Variants in GABRG3 observed in about 807,000 individuals in gnomAD.
GABRG3 encodes the protein gamma-aminobutyric acid receptor subunit gamma-3.
In GABRG3, 25 loss-of-function variants were observed where a neutral mutation model predicts 48.8. That is an observed-to-expected ratio of 0.51 (90% CI 0.37 to 0.72). The LOEUF is 0.72. Among genes scored for constraint, GABRG3 ranks in the 30% least tolerant of loss-of-function variants. The pLI is 0.00. For synonymous variants in GABRG3, 227 were observed against 217.6 expected, an observed-to-expected ratio of 1.04 and a Z score of -0.38; for missense variants, 394 against 577.9, an observed-to-expected ratio of 0.68 and a Z score of 3.26.
intron 5 of GABRG3, among the ~76,000 whole-genome samples, chr15:27,449,481 T>C (rs2140640144): frequency 6.6e-6 from 1 of 152,328 alleles, no homozygotes; most frequent in South Asian, 2.1e-4. Context: ...AGATGATAAA[T>C]GCCATGAAAA....
intron 3 of GABRG3, among the ~76,000 whole-genome samples, chr15:27,178,546 A>C (rs562658199): frequency 3.9e-5 from 6 of 152,280 alleles, no homozygotes; most frequent in Non-Finnish European, 7.3e-5. Flanking sequence ...TCACAAAAGG[A>C]AGGTTAATAG....
At chr15:27,150,996 T>C (rs2140396412) in intron 3 of GABRG3, among the ~76,000 whole-genome samples, 1 of 152,340 alleles carries the variant, frequency 6.6e-6, no homozygotes, top group South Asian at 2.1e-4. Context: ...TTTCCCAAGA[T>C]AGCTGAGATG....
At chr15:27,276,019 G>T (rs1376773750) in intron 3 of GABRG3, among the ~76,000 whole-genome samples, 1 of 152,246 alleles carries the variant, frequency 6.6e-6, no homozygotes, top group Non-Finnish European at 1.5e-5. Flanking sequence ...TGATCCTGCA[G>T]GACCACAGGA....
chr15:27,346,550 C>T lies in GABRG3; in HGVS notation c.574+17662C>T, dbSNP rs150233360. Among the ~76,000 whole-genome samples the T allele has an allele frequency of 2.3e-3, 348 of 152,052 alleles. 1 individual carries two copies. Among genetic ancestry groups the T allele is most frequent in the African/African-American group, 8.0e-3 (330 of 41,480 alleles). On this transcript the variant is annotated intron_variant, in intron 5 of 9. Transcript: ENST00000615808. The stretch of plus-strand genomic sequence containing the variant: ...TCAAATATTTCTTCTGCTTTTTTCT[C>T]CTCCTTTTGTTATTTCAATTATGTG...
chr15:27,311,155 A>G (rs1892979124), intron 3 of GABRG3, among the ~76,000 whole-genome samples: 1 of 152,176 alleles, frequency 6.6e-6, no homozygotes, highest in African/African-American at 2.4e-5. Context: ...TGATCTCACC[A>G]ATTCAGCAAC....
chr15:27,131,670 A>C (rs1393332971), intron 3 of GABRG3, among the ~76,000 whole-genome samples: 1 of 152,052 alleles, frequency 6.6e-6, no homozygotes, highest in Non-Finnish European at 1.5e-5. Context: ...ATTGTTATAC[A>C]TACTTACACG....
At chr15:27,307,831 C>CATATATAAAATAAACATGTTTATATAT (rs1892708002) in intron 3 of GABRG3, among the ~76,000 whole-genome samples, 4 of 107,662 alleles carry the variant, frequency 3.7e-5, no homozygotes, top group Non-Finnish European at 3.6e-5. Context: ...TAAACATAAA[C>CATATATAAAATAAACATGTTTATATAT]ATATATAAAA....
At chr15:27,425,190 G>A (rs908502917) in intron 5 of GABRG3, among the ~76,000 whole-genome samples, 6 of 152,142 alleles carry the variant, frequency 3.9e-5, no homozygotes, top group Admixed American at 1.3e-4. Context: ...GGACCCTGCC[G>A]TATGTACTTG....
intron 5 of GABRG3, among the ~76,000 whole-genome samples, chr15:27,370,921 C>A (rs1273048017): frequency 1.3e-5 from 2 of 152,164 alleles, no homozygotes; most frequent in East Asian, 3.9e-4. Flanking sequence ...TTAAATTGTA[C>A]TGCACAAGTG....
rs550657419 is a variant in GABRG3 at position 27,498,114 on chromosome 15, T to G, written c.712+17327T>G. 2.0e-5 allele frequency among the ~76,000 whole-genome samples: 3 copies of G among 152,344 alleles called. No homozygotes were observed. In the East Asian group the frequency reaches 5.8e-4, roughly 29 times the overall value. On this transcript the variant is annotated intron_variant, in intron 6 of 9. Coordinates refer to ENST00000615808, the MANE Select transcript of GABRG3 (RefSeq NM_033223.5). ...TTGTGTTTTCTTAGGATTTATGTCT[T>G]GATTTGTCATATATGTGATATGCCT...
At chr15:27,110,579 TC>T (rs1897530938) in intron 3 of GABRG3, among the ~76,000 whole-genome samples, 1 of 138,302 alleles carries the variant, frequency 7.2e-6, no homozygotes, top group Admixed American at 7.1e-5. Flanking sequence ...ACAAATTCCC[TC>T]AATTTTTTTT....
At chr15:27,423,610 A>G (rs1888198382) in intron 5 of GABRG3, among the ~76,000 whole-genome samples, 1 of 151,202 alleles carries the variant, frequency 6.6e-6, no homozygotes, top group African/African-American at 2.4e-5. Flanking sequence ...CAGTGGCACA[A>G]TCACGAAACA....
At chr15:27,500,997 G>T (rs1367744821) in intron 6 of GABRG3, among the ~76,000 whole-genome samples, 1 of 138,508 alleles carries the variant, frequency 7.2e-6, no homozygotes, top group African/African-American at 2.8e-5. Flanking sequence ...CTGTCCCCAG[G>T]CTGGAGTGCA....
chr15:27,445,691 G>A (rs775654534), intron 5 of GABRG3, among the ~76,000 whole-genome samples: 10 of 152,072 alleles, frequency 6.6e-5, no homozygotes, highest in Admixed American at 5.9e-4. Flanking sequence ...ATTTAATAAA[G>A]TGTATTTTTA....
chr15:27,263,058 C>A (rs931814020), intron 3 of GABRG3, among the ~76,000 whole-genome samples: 1 of 152,094 alleles, frequency 6.6e-6, no homozygotes, highest in East Asian at 1.9e-4. Flanking sequence ...GAAAGGGAAC[C>A]ATCAAAACCC....
At chr15:27,328,546 C>T (rs1220300207) in intron 4 of GABRG3, among the ~76,000 whole-genome samples, 2 of 152,232 alleles carry the variant, frequency 1.3e-5, no homozygotes, top group Admixed American at 6.5e-5. Flanking sequence ...TCTGACTTGG[C>T]GTGTATTTCT....
intron 5 of GABRG3, among the ~76,000 whole-genome samples, chr15:27,393,172 A>G (rs150242084): frequency 0.019 from 2,898 of 152,008 alleles, 63 homozygotes; most frequent in South Asian, 0.082. Context: ...GTGAAACCCC[A>G]TCTCTACTAA....
At chr15:27,192,820 C>T (rs1888365447) in intron 3 of GABRG3, among the ~76,000 whole-genome samples, 1 of 152,258 alleles carries the variant, frequency 6.6e-6, no homozygotes, top group East Asian at 1.9e-4. Context: ...AGGTTTTCTG[C>T]TCTGTTTTTT....
intron 3 of GABRG3, among the ~76,000 whole-genome samples, chr15:27,233,416 A>G (rs1437016399): frequency 1.3e-5 from 2 of 152,140 alleles, no homozygotes; most frequent in Non-Finnish European, 2.9e-5. Context: ...CAAGCAACAG[A>G]CATTGACTTC....
Sources: allele counts gnomAD v4.1 joint callset (sites outside exome capture counted in the v4.1 genomes callset), GRCh38; gene constraint gnomAD v4.1.1; transcripts MANE v1.5; gene names NCBI Gene and HGNC (gene_info 2026-07-23, HGNC 2026-07-21).